The following GAN variants were observed in gnomAD, a reference collection of about 807,000 sequenced individuals.
GAN encodes the protein epididymis secretory sperm binding protein.
A neutral mutation model predicts 71.3 loss-of-function variants in GAN; 48 were observed. That is an observed-to-expected ratio of 0.67 (90% CI 0.53 to 0.86). The LOEUF is 0.86. Ranked by LOEUF, GAN falls within the 40% of genes least tolerant of loss-of-function variation. The pLI, the probability that GAN is intolerant of heterozygous loss-of-function variation, is 0.00. For synonymous variants in GAN, 386 were observed against 276.8 expected, an observed-to-expected ratio of 1.39 and a Z score of -3.92; for missense variants, 928 against 770.1, an observed-to-expected ratio of 1.21 and a Z score of -2.43.
At chr16:81,340,834 C>T (rs1260541289) in intron 1 of GAN, among the ~76,000 whole-genome samples, 1 of 151,972 alleles carries the variant, frequency 6.6e-6, no homozygotes, top group Non-Finnish European at 1.5e-5. Flanking sequence ...TCAGTAATAA[C>T]AAACTTCTCC....
chr16:81,334,726 T>G (rs2150674194), intron 1 of GAN, among the ~76,000 whole-genome samples: 1 of 152,262 alleles, frequency 6.6e-6, no homozygotes, highest in African/African-American at 2.4e-5. Context: ...ACCAGTGGGA[T>G]GGAGTGCAGA....
At position 81,384,421 on chromosome 16, in the gene GAN, A is replaced by G. The variant is rs1904343613; in HGVS notation, c.*6825A>G. On this transcript the variant is annotated 3_prime_UTR_variant, in exon 11 of 11. Coordinates refer to ENST00000648994, the MANE Select transcript of GAN (RefSeq NM_022041.4). ...ACTTGAACTTTAAAGAGTCTTTAAA[A>G]GGCTGTTTTCATAATGCAGAAAAGT... The G allele has an allele frequency of 2.0e-5, 3 of 152,136 alleles. No individual in the cohort carries two copies. The South Asian group carries it at 6.2e-4, about 32-fold the overall frequency. The allele number at this position is 152,136 out of a possible 1,614,324, so 9.4% of individuals were successfully genotyped here.
In GAN at chr16:81,377,567, TTATTCCG is replaced by T. The variant is rs751735607; in HGVS notation, c.1771_1777del (p.Arg591ValfsTer16). On this transcript the variant is annotated frameshift_variant, in exon 11 of 11. Transcript: ENST00000648994. LOFTEE classifies it high-confidence loss of function. ...TTTCCGCCTGCAGCTTCAGCAAGGC[TTATTCCG>T]TATTCGTGTTCATTCCCCTTGAGGA... 1 of 1,614,190 alleles carries T rather than the reference TTATTCCG, an allele frequency of 6.2e-7. No homozygotes were observed. Among genetic ancestry groups the T allele is most frequent in the East Asian group, 2.2e-5 (1 of 44,890 alleles).
In GAN at chr16:81,369,185, A is replaced by G. The variant is rs554301592; in HGVS notation, c.1502+3707A>G. On this transcript the variant is annotated intron_variant, in intron 9 of 10. Coordinates refer to ENST00000648994, the MANE Select transcript of GAN (RefSeq NM_022041.4). ...TCTTTTGATTCCTGAATATATAACT[A>G]GAATAGACATACTTGACAACTGGCA... Among the ~76,000 whole-genome samples, 3 of 152,362 alleles carry G rather than the reference A, an allele frequency of 2.0e-5. No individual in the cohort carries two copies. The South Asian group carries it at 6.2e-4, about 32-fold the overall frequency.
intron 9 of GAN, 119 bp downstream of exon 9, chr16:81,365,597 C>T (rs1038886615): frequency 9.4e-6 from 9 of 962,022 alleles, no homozygotes; most frequent in African/African-American, 4.9e-5. Flanking sequence ...TAGGAGATAA[C>T]GTCTCATGCA....
intron 1 of GAN, among the ~76,000 whole-genome samples, chr16:81,322,801 G>A (rs1156402810): frequency 2.0e-5 from 3 of 152,114 alleles, no homozygotes; most frequent in African/African-American, 7.2e-5. Context: ...CAAAATATTT[G>A]CACTTTTGTC....
rs1904457179 is a variant in GAN, at chr16:81,388,117, G to A, written c.*10521G>A. The stretch of plus-strand genomic sequence containing the variant: ...AGGGATTGCCGTCAAGGTGGAGGAA[G>A]GGTATTTTGGCCATGTTCGGAGTCG... On this transcript the variant is annotated 3_prime_UTR_variant, in exon 11 of 11. Transcript: ENST00000648994. 1 of 152,294 alleles carries A rather than the reference G, an allele frequency of 6.6e-6. No homozygotes were observed. The highest frequency in any genetic ancestry group is 1.5e-5 in the Non-Finnish European group (1 of 68,100). 9.4% of individuals were successfully genotyped at this position (152,294 alleles called of 1,614,324 possible). A position where few individuals can be genotyped will look rare whatever the true frequency, so the allele number is the denominator to read the frequency against.
intron 1 of GAN, among the ~76,000 whole-genome samples, chr16:81,349,689 G>C (rs1172078466): frequency 6.6e-6 from 1 of 152,080 alleles, no homozygotes; most frequent in Non-Finnish European, 1.5e-5. Context: ...TTCCTGTTCT[G>C]TTTGTATTCA....
chr16:81,364,914 T>A, intron 7 of GAN, 60 bp from the exon 8 acceptor site: 1 of 1,536,156 alleles, frequency 6.5e-7, no homozygotes, highest in Non-Finnish European at 9.0e-7. Context: ...GTTTAATATC[T>A]GTTCACCTGA....
chr16:81,353,013 C>T (rs1206363222), intron 2 of GAN, among the ~76,000 whole-genome samples: 2 of 152,146 alleles, frequency 1.3e-5, no homozygotes, highest in Non-Finnish European at 1.5e-5. Context: ...TAGTTGGGGC[C>T]GGGCGCGGTG....
intron 1 of GAN, among the ~76,000 whole-genome samples, chr16:81,337,063 C>G (rs181732335): frequency 6.6e-6 from 1 of 152,170 alleles, no homozygotes; most frequent in African/African-American, 2.4e-5. Flanking sequence ...AGTAGTTTCA[C>G]TGCCCTAAAA....
Position 81,362,079 on chromosome 16 carries a change from G to C in GAN, c.974-420G>C, listed in dbSNP as rs1286676558. Among the ~76,000 whole-genome samples the C allele has an allele frequency of 3.3e-5, 5 of 152,310 alleles. No homozygotes were observed. The South Asian group carries it at 8.3e-4, about 25-fold the overall frequency. ...GGAAGTTCAGTTGCTCTTAGATCCTGTTTTGAATAGAAAGTGCACACGGAT... is the reference window on the plus strand; with the variant it reads ...GGAAGTTCAGTTGCTCTTAGATCCTCTTTTGAATAGAAAGTGCACACGGAT... On this transcript the variant is annotated intron_variant, in intron 5 of 10. Transcript: ENST00000648994.
intron 1 of GAN, among the ~76,000 whole-genome samples, chr16:81,351,297 C>T (rs903605385): frequency 6.6e-6 from 1 of 152,180 alleles, no homozygotes; most frequent in Admixed American, 6.5e-5. Context: ...CCTAAAGGGA[C>T]TGGGATTTCC....
At chr16:81,338,616 G>A (rs1208318294) in intron 1 of GAN, among the ~76,000 whole-genome samples, 1 of 152,158 alleles carries the variant, frequency 6.6e-6, no homozygotes, top group Admixed American at 6.5e-5. Context: ...AAACAGAATG[G>A]AATAAAACTA....
intron 1 of GAN, among the ~76,000 whole-genome samples, chr16:81,322,402 C>CT (rs1168932634): frequency 6.6e-6 from 1 of 152,164 alleles, no homozygotes; most frequent in Non-Finnish European, 1.5e-5. Flanking sequence ...GGCCTTTGCC[C>CT]TTCTGGAGCC....
rs111299239 is a variant in GAN, at chr16:81,376,707, T to TACAC, written c.1503-498_1503-495dup. Among the ~76,000 whole-genome samples the TACAC allele has an allele frequency of 1.8e-3, 276 of 149,674 alleles. 2 individuals are homozygous for TACAC. Among genetic ancestry groups the TACAC allele is most frequent in the Middle Eastern group, 7.0e-3 (2 of 286 alleles). The stretch of plus-strand genomic sequence containing the variant: ...ATATGTGTATATATATGCACACGCA[T>TACAC]ACACACACACACACACAGGAATTAG... On this transcript the variant is annotated intron_variant, in intron 9 of 10. Coordinates refer to ENST00000648994, the MANE Select transcript of GAN (RefSeq NM_022041.4).
Position 81,376,887 on chromosome 16 carries a change from G to A in GAN, c.1503-332G>A, listed in dbSNP as rs545666923. On this transcript the variant is annotated intron_variant, in intron 9 of 10. Coordinates refer to ENST00000648994, the MANE Select transcript of GAN (RefSeq NM_022041.4). ...AAAACCAACAAATTCTGGTACATCC[G>A]TATGATGGAGTACTGCTTAGAAATA... Among the ~76,000 whole-genome samples, 9 of 152,224 alleles carry A rather than the reference G, an allele frequency of 5.9e-5. No homozygotes were observed. In the South Asian group the frequency reaches 6.2e-4, roughly 11 times the overall value.
At chr16:81,326,305 G>T (rs1390633599) in intron 1 of GAN, among the ~76,000 whole-genome samples, 6 of 151,492 alleles carry the variant, frequency 4.0e-5, no homozygotes, top group Non-Finnish European at 8.8e-5. Context: ...ATCACCTGAG[G>T]TTGGGAGTTC....
chr16:81,371,406 A>G (rs1434547455), intron 9 of GAN, among the ~76,000 whole-genome samples: 1 of 152,136 alleles, frequency 6.6e-6, no homozygotes, highest in Non-Finnish European at 1.5e-5. Context: ...TATGGTTACT[A>G]TTATGTTTTT....
Sources: gnomAD v4.1 joint callset for allele counts (sites outside exome capture counted in the v4.1 genomes callset) on GRCh38, gnomAD v4.1.1 for gene constraint, MANE v1.5 for transcripts, NCBI Gene and HGNC (gene_info 2026-07-23, HGNC 2026-07-21) for gene names.